The following MTIF2 variants were observed in gnomAD, a reference collection of about 807,000 sequenced individuals.
MTIF2 encodes the protein translation initiation factor IF-2, mitochondrial.
Under a neutral mutation model 83.5 loss-of-function variants are expected in MTIF2, and 71 were observed. That is an observed-to-expected ratio of 0.85 (90% CI 0.70 to 1.04). The LOEUF (loss-of-function observed/expected upper bound fraction) is 1.04. MTIF2 is among the 50% of genes least tolerant of loss of function. The probability of loss-of-function intolerance (pLI) is 0.00; values close to 1 mark genes in which losing one functional copy is unlikely to be tolerated. For synonymous variants in MTIF2, 319 were observed against 287.1 expected (o/e 1.11, Z -1.12); for missense variants, 957 against 846.5 (o/e 1.13, Z -1.62).
chr2:55,264,465 G>A (rs141614124), intron 3 of MTIF2, among the ~76,000 whole-genome samples: 216 of 152,100 alleles, frequency 1.4e-3, no homozygotes, highest in South Asian at 5.4e-3. Context: ...TCAAACTCCC[G>A]GGATCTAGTG....
intron 8 of MTIF2, among the ~76,000 whole-genome samples, chr2:55,251,043 G>A (rs897022424): frequency 1.3e-5 from 2 of 149,874 alleles, no homozygotes; most frequent in African/African-American, 2.5e-5. Context: ...CTGGGAGAAG[G>A]AGGTTGAAGT....
intron 5 of MTIF2, among the ~76,000 whole-genome samples, chr2:55,256,279 T>C (rs933817734): frequency 7.4e-6 from 1 of 135,910 alleles, no homozygotes; most frequent in Non-Finnish European, 1.6e-5. Flanking sequence ...GAACTGATAG[T>C]ATGTACAGAC....
intron 5 of MTIF2, among the ~76,000 whole-genome samples, chr2:55,255,378 T>C (rs1677429307): frequency 6.8e-6 from 1 of 147,238 alleles, no homozygotes. Context: ...AGATACTATA[T>C]ATATATTTAT....
chr2:55,257,410 G>C (rs185328202), intron 5 of MTIF2, among the ~76,000 whole-genome samples: 1 of 152,278 alleles, frequency 6.6e-6, no homozygotes, highest in Admixed American at 6.5e-5. Context: ...GAACCCGGGA[G>C]GCGGAGGTTG....
At position 55,249,480 on chromosome 2, in the gene MTIF2, T is replaced by C; in HGVS notation, c.896A>G (p.Lys299Arg). The stretch of plus-strand genomic sequence containing the variant: ...GTAAGCCAGCAGCTCTTTTTTCACT[T>C]TCTCAGGATCAGCCTCAGCTTTGTC... ...KCDKAEADPE[K>R]VKKELLAYDV... Residue 299 changes from lysine to arginine, a missense_variant, in exon 9 of 16, where the codon AAA (lysine) becomes AGA (arginine). Coordinates refer to ENST00000263629, the MANE Select transcript of MTIF2 (RefSeq NM_002453.3). 1 of 1,614,136 alleles carries C rather than the reference T, an allele frequency of 6.2e-7. No homozygotes were observed. Among genetic ancestry groups the C allele is most frequent in the Non-Finnish European group, 8.5e-7 (1 of 1,179,998 alleles).
intron 14 of MTIF2, 145 bp from the exon 15 acceptor site, chr2:55,237,573 A>C (rs548622850): frequency 1.7e-6 from 1 of 580,568 alleles, no homozygotes; most frequent in East Asian, 3.3e-5. Flanking sequence ...CTTTAACTCC[A>C]ATTTTATTTT....
chr2:55,247,950 G>A (rs1676824254), intron 9 of MTIF2, among the ~76,000 whole-genome samples: 1 of 152,008 alleles, frequency 6.6e-6, no homozygotes, highest in Non-Finnish European at 1.5e-5. Context: ...GAGTGCAGTG[G>A]CATCATCTCA....
intron 9 of MTIF2, among the ~76,000 whole-genome samples, chr2:55,248,573 C>G (rs1312951162): frequency 6.6e-6 from 1 of 152,126 alleles, no homozygotes; most frequent in Non-Finnish European, 1.5e-5. Context: ...GAGGCAAGCA[C>G]TGAGTTTCCT....
At chr2:55,239,525 G>T (rs182640938) in intron 14 of MTIF2, among the ~76,000 whole-genome samples, 37 of 151,890 alleles carry the variant, frequency 2.4e-4, no homozygotes, top group African/African-American at 8.0e-4. Context: ...TCTACGTGGG[G>T]AGGAAAAAAA....
chr2:55,246,231 G>T lies in MTIF2; in HGVS notation c.1106+106C>A, dbSNP rs1362400444. The T allele has an allele frequency of 4.0e-6, 5 of 1,235,076 alleles. No homozygotes were observed. In the Admixed American group the frequency reaches 7.5e-5, roughly 18 times the overall value. The allele number at this position is 1,235,076 out of a possible 1,614,324, so 76.5% of individuals were successfully genotyped here. On this transcript the variant is annotated intron_variant, in intron 10 of 15. Coordinates refer to ENST00000263629, the MANE Select transcript of MTIF2 (RefSeq NM_002453.3). ...TTAAAACAAATGCTTTGAAAATATT[G>T]TTCATGAACTAACAATAACATGTAA...
intron 5 of MTIF2, among the ~76,000 whole-genome samples, chr2:55,257,466 G>A (rs958655970): frequency 6.6e-6 from 1 of 152,278 alleles, no homozygotes; most frequent in East Asian, 1.9e-4. Flanking sequence ...GGGCAAGAGT[G>A]AGACTCCATC....
chr2:55,237,458 GAAAACT>G (rs1323842839), intron 14 of MTIF2, 30 bp from the exon 15 acceptor site: 1 of 1,554,088 alleles, frequency 6.4e-7, no homozygotes, highest in South Asian at 1.2e-5. Flanking sequence ...TTAATGTGCA[GAAAACT>G]AAAGATTCTG....
chr2:55,237,467 A>C (rs766430488), intron 14 of MTIF2, 39 bp from the exon 15 acceptor site: 1 of 1,540,834 alleles, frequency 6.5e-7, no homozygotes, highest in African/African-American at 1.4e-5. Flanking sequence ...AGAAAACTAA[A>C]GATTCTGATA....
At chr2:55,243,377 C>G in intron 12 of MTIF2, 39 bp downstream of exon 12, 1 of 1,515,474 alleles carries the variant, frequency 6.6e-7, no homozygotes, top group East Asian at 2.3e-5. Flanking sequence ...AACATATATT[C>G]AAAGAATGAA....
In MTIF2 at chr2:55,236,832, T is replaced by C. The variant is rs375978609; in HGVS notation, c.2012-12A>G. 9 of 1,560,674 alleles carry C rather than the reference T, an allele frequency of 5.8e-6. No individual in the cohort carries two copies. In the African/African-American group the frequency reaches 1.2e-4, roughly 22 times the overall value. ...TGAGGTTAATGAGCCTTAAAAAAGATAATTTAAGGTTAGTATATTCAATAA... is the reference window on the plus strand; with the variant it reads ...TGAGGTTAATGAGCCTTAAAAAAGACAATTTAAGGTTAGTATATTCAATAA... On this transcript the variant is annotated splice_polypyrimidine_tract_variant and intron_variant, in intron 15 of 15. Transcript: ENST00000263629.
chr2:55,243,111 T>C (rs763413851), intron 12 of MTIF2, 31 bp from the exon 13 acceptor site: 63 of 1,565,558 alleles, frequency 4.0e-5, no homozygotes, highest in Non-Finnish European at 8.6e-7. Context: ...TAATTGTTGC[T>C]TTTAAGAGTT....
At chr2:55,268,232 G>A (rs1249289217) in intron 2 of MTIF2, among the ~76,000 whole-genome samples, 3 of 151,878 alleles carry the variant, frequency 2.0e-5, no homozygotes, top group Non-Finnish European at 2.9e-5. Context: ...CAGCCTGGGC[G>A]ACAGTGAGAC....
intron 14 of MTIF2, among the ~76,000 whole-genome samples, chr2:55,237,976 A>G (rs545994980): frequency 4.6e-5 from 7 of 152,064 alleles, no homozygotes; most frequent in Admixed American, 3.3e-4. Flanking sequence ...TGTCTGCTCC[A>G]TGAAAACCTT....
intron 3 of MTIF2, among the ~76,000 whole-genome samples, chr2:55,266,090 C>A (rs1185843236): frequency 6.6e-6 from 1 of 151,828 alleles, no homozygotes; most frequent in Non-Finnish European, 1.5e-5. Context: ...GGTCCTGGAA[C>A]CAATGCCCCA....
Sources: allele counts gnomAD v4.1 joint callset (sites outside exome capture counted in the v4.1 genomes callset), GRCh38; gene constraint gnomAD v4.1.1; transcripts MANE v1.5; gene names NCBI Gene and HGNC (gene_info 2026-07-23, HGNC 2026-07-21).